Variants in GABRG3 observed in about 807,000 individuals in gnomAD.
GABRG3 encodes the protein gamma-aminobutyric acid type A receptor subunit gamma3.
GABRG3 carries 25 observed loss-of-function variants against 48.8 expected under a neutral mutation model. That is an observed-to-expected ratio of 0.51 (90% CI 0.37 to 0.72). GABRG3 has a LOEUF of 0.72. Ranked by LOEUF, GABRG3 falls within the 30% of genes least tolerant of loss-of-function variation. The pLI is 0.00. For synonymous variants in GABRG3, 227 were observed against 217.6 expected (o/e 1.04, Z -0.38); for missense variants, 394 against 577.9 (o/e 0.68, Z 3.26).
At position 27,026,837 on chromosome 15, in the gene GABRG3, A is replaced by G. The variant is rs1488946314; in HGVS notation, c.270+16A>G. On this transcript the variant is annotated intron_variant, in intron 3 of 9. Transcript: ENST00000615808. ...AATAAACATGGTAAGAAGCTCCTTT[A>G]TTTTCTGATCTAACGGCTGTTGCAC... is the stretch of plus-strand genomic sequence containing the variant. 6.3e-7 allele frequency: 1 copy of G among 1,575,608 alleles called. No homozygotes were observed. The highest frequency in any genetic ancestry group is 8.6e-7 in the Non-Finnish European group (1 of 1,157,240).
intron 3 of GABRG3, among the ~76,000 whole-genome samples, chr15:27,127,277 A>G (rs1897837209): frequency 6.6e-6 from 1 of 152,192 alleles, no homozygotes; most frequent in South Asian, 2.1e-4. Context: ...AGCCCAAAAA[A>G]GGAAATTCTT....
chr15:27,445,443 G>A (rs904746963), intron 5 of GABRG3, among the ~76,000 whole-genome samples: 2 of 152,262 alleles, frequency 1.3e-5, no homozygotes, highest in Admixed American at 6.5e-5. Context: ...TTGATGTTGA[G>A]CATCTTTTTA....
intron 3 of GABRG3, among the ~76,000 whole-genome samples, chr15:27,038,741 C>T (rs963205464): frequency 2.0e-5 from 3 of 152,290 alleles, no homozygotes; most frequent in East Asian, 1.9e-4. Context: ...GGGAGCCCCG[C>T]CCCAGAAAGG....
intron 3 of GABRG3, among the ~76,000 whole-genome samples, chr15:27,086,363 A>G (rs1190092675): frequency 6.6e-6 from 1 of 152,130 alleles, no homozygotes; most frequent in African/African-American, 2.4e-5. Context: ...GGGGAGGTGC[A>G]GTTCCAGATC....
At chr15:27,229,601 C>T (rs1318373639) in intron 3 of GABRG3, among the ~76,000 whole-genome samples, 1 of 151,990 alleles carries the variant, frequency 6.6e-6, no homozygotes, top group African/African-American at 2.4e-5. Context: ...CTCAGCCTCC[C>T]GAGTAGATGG....
chr15:27,458,292 T>A (rs1005709736), intron 5 of GABRG3, among the ~76,000 whole-genome samples: 1 of 152,214 alleles, frequency 6.6e-6, no homozygotes, highest in Non-Finnish European at 1.5e-5. Flanking sequence ...TCATAAATTG[T>A]ATTGGCCTTG....
At chr15:27,247,768 A>G (rs1890313173) in intron 3 of GABRG3, among the ~76,000 whole-genome samples, 1 of 152,192 alleles carries the variant, frequency 6.6e-6, no homozygotes, top group African/African-American at 2.4e-5. Flanking sequence ...GCAGCAAGAG[A>G]GAGAATGAGA....
intron 5 of GABRG3, among the ~76,000 whole-genome samples, chr15:27,342,137 C>T (rs373237816): frequency 1.5e-4 from 23 of 152,336 alleles, no homozygotes; most frequent in African/African-American, 5.1e-4. Context: ...TTCCCACTGG[C>T]CTGACACAGG....
At chr15:27,515,999 C>G (rs1372648358) in intron 6 of GABRG3, among the ~76,000 whole-genome samples, 1 of 150,940 alleles carries the variant, frequency 6.6e-6, no homozygotes, top group Non-Finnish European at 1.5e-5. Context: ...ATGTTGCTGT[C>G]AAATTTCAAA....
intron 2 of GABRG3, among the ~76,000 whole-genome samples, chr15:27,006,817 G>C (rs1324803185): frequency 6.6e-6 from 1 of 151,656 alleles, no homozygotes; most frequent in African/African-American, 2.4e-5. Flanking sequence ...CTATGTTGTT[G>C]TAAAGGACAT....
chr15:27,339,006 C>T (rs1894074400), intron 5 of GABRG3, among the ~76,000 whole-genome samples: 1 of 152,194 alleles, frequency 6.6e-6, no homozygotes, highest in Non-Finnish European at 1.5e-5. Context: ...GGCCCACTGC[C>T]AGGTGGGGCA....
At chr15:27,211,041 G>A (rs1321713022) in intron 3 of GABRG3, among the ~76,000 whole-genome samples, 1 of 152,202 alleles carries the variant, frequency 6.6e-6, no homozygotes, top group Non-Finnish European at 1.5e-5. Context: ...AGCCTGTAAG[G>A]GAGTAGATTT....
intron 3 of GABRG3, among the ~76,000 whole-genome samples, chr15:27,251,474 C>T (rs115195264): frequency 3.3e-5 from 5 of 152,270 alleles, no homozygotes; most frequent in South Asian, 4.1e-4. Context: ...CTTGGACACA[C>T]GTATTTGCAT....
At chr15:27,164,492 G>A (rs1238738465) in intron 3 of GABRG3, among the ~76,000 whole-genome samples, 1 of 152,192 alleles carries the variant, frequency 6.6e-6, no homozygotes, top group Non-Finnish European at 1.5e-5. Context: ...AGTTGCAGCT[G>A]AAAGATCTTT....
intron 5 of GABRG3, among the ~76,000 whole-genome samples, chr15:27,437,549 C>T (rs1178211114): frequency 5.9e-5 from 9 of 152,066 alleles, no homozygotes; most frequent in Admixed American, 3.3e-4. Flanking sequence ...TCTGCATATA[C>T]GTATAGAGCA....
At chr15:27,200,757 A>C (rs1438756369) in intron 3 of GABRG3, among the ~76,000 whole-genome samples, 1 of 152,054 alleles carries the variant, frequency 6.6e-6, no homozygotes, top group Non-Finnish European at 1.5e-5. Context: ...TCTCAATAAC[A>C]TTTTACTCAC....
At chr15:27,480,300 G>A (rs902227438) in intron 5 of GABRG3, among the ~76,000 whole-genome samples, 1 of 152,186 alleles carries the variant, frequency 6.6e-6, no homozygotes, top group Non-Finnish European at 1.5e-5. Context: ...TCTGCATGGC[G>A]AGGACTCAGA....
chr15:27,379,134 T>C (rs1293274882), intron 5 of GABRG3, among the ~76,000 whole-genome samples: 1 of 152,270 alleles, frequency 6.6e-6, no homozygotes, highest in Non-Finnish European at 1.5e-5. Flanking sequence ...ATCTCTTCTT[T>C]GTTTCTACCT....
At chr15:27,459,378 T>C (rs1027039026) in intron 5 of GABRG3, among the ~76,000 whole-genome samples, 2 of 152,164 alleles carry the variant, frequency 1.3e-5, no homozygotes, top group African/African-American at 4.8e-5. Context: ...AATTCATCTC[T>C]AGGGTATCAT....
Sources: allele counts gnomAD v4.1 joint callset (sites outside exome capture counted in the v4.1 genomes callset), GRCh38; gene constraint gnomAD v4.1.1; transcripts MANE v1.5; gene names NCBI Gene and HGNC (gene_info 2026-07-23, HGNC 2026-07-21).